The following PSD3 variants were observed in gnomAD, a reference collection of about 807,000 sequenced individuals.
PSD3 encodes the protein PH and SEC7 domain-containing protein 3.
A neutral mutation model predicts 105.5 loss-of-function variants in PSD3; 49 were observed. That is an observed-to-expected ratio of 0.46 (90% CI 0.37 to 0.59). The LOEUF (loss-of-function observed/expected upper bound fraction) is 0.59, where lower values mean the gene tolerates loss of function less well. Ranked by LOEUF, PSD3 falls within the 20% of genes least tolerant of loss-of-function variation. PSD3 has a pLI of 0.00. For missense variants in PSD3, 1,561 were observed against 1,263.8 expected, an observed-to-expected ratio of 1.24 and a Z score of -3.57; for synonymous variants, 557 against 457.8, an observed-to-expected ratio of 1.22 and a Z score of -2.77.
At chr8:18,686,785 G>C (rs1341592861) in intron 9 of PSD3, among the ~76,000 whole-genome samples, 1 of 152,182 alleles carries the variant, frequency 6.6e-6, no homozygotes, top group Admixed American at 6.5e-5. Context: ...TGGAAGGCAA[G>C]CTTGCCTCCT....
chr8:18,764,173 C>A (rs1158907714), intron 9 of PSD3, among the ~76,000 whole-genome samples: 1 of 152,188 alleles, frequency 6.6e-6, no homozygotes, highest in Non-Finnish European at 1.5e-5. Context: ...TGTCAACTTT[C>A]ATTTCTGACA....
At chr8:19,070,298 C>A (rs549728863) in intron 1 of PSD3, among the ~76,000 whole-genome samples, 2 of 149,414 alleles carry the variant, frequency 1.3e-5, no homozygotes, top group Non-Finnish European at 1.5e-5. Flanking sequence ...AAATTTGGAG[C>A]ATTCACTTTC....
chr8:18,862,301 C>A (rs965571752), intron 4 of PSD3, among the ~76,000 whole-genome samples: 2 of 151,584 alleles, frequency 1.3e-5, no homozygotes, highest in Non-Finnish European at 2.9e-5. Flanking sequence ...TGAAACAATT[C>A]GAAACCAGGA....
intron 2 of PSD3, among the ~76,000 whole-genome samples, chr8:18,915,071 C>A (rs773061283): frequency 6.6e-6 from 1 of 151,254 alleles, no homozygotes; most frequent in Admixed American, 6.6e-5. Flanking sequence ...TGATCTTTGA[C>A]AAAGGTATCA....
chr8:18,752,544 TATTATATATAATTA>T (rs1563225254), intron 9 of PSD3, among the ~76,000 whole-genome samples: 3 of 15,126 alleles, frequency 2.0e-4, no homozygotes, highest in Non-Finnish European at 3.1e-4. Flanking sequence ...ATATTATATA[TATTATATATAATTA>T]TATATATTAT....
chr8:18,606,003 G>A (rs73213606), intron 11 of PSD3, among the ~76,000 whole-genome samples: 12,633 of 152,068 alleles, frequency 0.083, 583 homozygotes, highest in African/African-American at 0.11. Flanking sequence ...ATCCAGTCTC[G>A]GGTATTTCTT....
intron 8 of PSD3, among the ~76,000 whole-genome samples, chr8:18,797,489 G>A (rs1810292954): frequency 6.6e-6 from 1 of 152,286 alleles, no homozygotes. Context: ...GTCTAAAGAA[G>A]AGCAAATGTC....
At chr8:18,644,971 T>C (rs1280001440) in intron 10 of PSD3, among the ~76,000 whole-genome samples, 1 of 152,228 alleles carries the variant, frequency 6.6e-6, no homozygotes, top group African/African-American at 2.4e-5. Context: ...ACCTGCTCTC[T>C]TGTGCTTTGC....
At chr8:18,654,918 G>A (rs1055484798) in intron 10 of PSD3, among the ~76,000 whole-genome samples, 5 of 152,132 alleles carry the variant, frequency 3.3e-5, no homozygotes, top group Non-Finnish European at 7.3e-5. Context: ...GATCTATGAT[G>A]ATAGGAAGGA....
intron 2 of PSD3, among the ~76,000 whole-genome samples, chr8:18,898,601 T>C (rs1010379933): frequency 6.6e-6 from 1 of 152,220 alleles, no homozygotes; most frequent in Non-Finnish European, 1.5e-5. Flanking sequence ...TAGCCTACTA[T>C]TGACTAGAAG....
chr8:18,709,822 A>G (rs376949546), intron 9 of PSD3, among the ~76,000 whole-genome samples: 5 of 152,328 alleles, frequency 3.3e-5, no homozygotes, highest in Admixed American at 2.0e-4. Context: ...AGACACCACA[A>G]AAACCCCAGC....
At chr8:18,858,305 T>G (rs538592426) in intron 4 of PSD3, among the ~76,000 whole-genome samples, 4 of 152,286 alleles carry the variant, frequency 2.6e-5, no homozygotes, top group African/African-American at 9.6e-5. Flanking sequence ...AAAACAAACT[T>G]TATTGCTAAA....
intron 9 of PSD3, among the ~76,000 whole-genome samples, chr8:18,718,704 TAGG>T (rs1180115366): frequency 6.6e-6 from 1 of 152,110 alleles, no homozygotes; most frequent in Non-Finnish European, 1.5e-5. Context: ...TAAAAACCTT[TAGG>T]AGATGACATA....
chr8:18,990,832 A>C (rs1825751246), intron 1 of PSD3, among the ~76,000 whole-genome samples: 1 of 152,224 alleles, frequency 6.6e-6, no homozygotes, highest in East Asian at 1.9e-4. Context: ...CGAACAGATC[A>C]ACCAAGCTGC....
chr8:18,861,709 T>C (rs1816466883), intron 4 of PSD3, among the ~76,000 whole-genome samples: 1 of 152,170 alleles, frequency 6.6e-6, no homozygotes, highest in African/African-American at 2.4e-5. Context: ...TTCTTATCTA[T>C]TTTCTTATTA....
In PSD3 at chr8:19,013,635, G is replaced by T. The variant is rs553650125; in HGVS notation, c.-52C>A. On this transcript the variant is annotated 5_prime_UTR_variant, in exon 1 of 16. Coordinates refer to ENST00000327040, the MANE Select transcript of PSD3 (RefSeq NM_015310.4). ...CGAAACCGCCGCCGGGCGCTCCGGG[G>T]CCGCAGCCTCAGGGCGCGAGTGCCG... 2 of 1,319,274 alleles carry T rather than the reference G, an allele frequency of 1.5e-6. No homozygotes were observed. The highest frequency in any genetic ancestry group is 1.6e-5 in the African/African-American group (1 of 64,116). 81.7% of individuals were successfully genotyped at this position (1,319,274 alleles called of 1,614,324 possible). A position where few individuals can be genotyped will look rare whatever the true frequency, so the allele number is the denominator to read the frequency against.
intron 4 of PSD3, among the ~76,000 whole-genome samples, chr8:18,850,501 G>T (rs1325048049): frequency 6.6e-6 from 1 of 152,212 alleles, no homozygotes; most frequent in Non-Finnish European, 1.5e-5. Flanking sequence ...ACCCTTAAGA[G>T]ATTTTCATTC....
intron 8 of PSD3, among the ~76,000 whole-genome samples, chr8:18,782,495 G>A (rs1395649725): frequency 2.0e-5 from 3 of 152,078 alleles, no homozygotes; most frequent in African/African-American, 7.2e-5. Flanking sequence ...TTTTAGTAAC[G>A]GCTGTAGTGA....
intron 15 of PSD3, among the ~76,000 whole-genome samples, chr8:18,544,171 CAAAA>C (rs201016537): frequency 0.012 from 1,237 of 106,536 alleles, 42 homozygotes; most frequent in African/African-American, 0.058. Context: ...AGAAACAAAC[CAAAA>C]AAAAAAAAAA....
Sources: allele counts gnomAD v4.1 joint callset (sites outside exome capture counted in the v4.1 genomes callset), GRCh38; gene constraint gnomAD v4.1.1; transcripts MANE v1.5; gene names NCBI Gene and HGNC (gene_info 2026-07-23, HGNC 2026-07-21).